The following MECOM variants were observed in gnomAD, a reference collection of about 807,000 sequenced individuals.
MECOM encodes MDS1 and EVI1 complex locus.
A neutral mutation model predicts 116.3 loss-of-function variants in MECOM; 13 were observed. That is an observed-to-expected ratio of 0.11 (90% CI 0.07 to 0.18). The LOEUF (loss-of-function observed/expected upper bound fraction) is 0.18. Among genes scored for constraint, MECOM ranks in the 10% least tolerant of loss-of-function variants. The probability of loss-of-function intolerance (pLI) is 1.00; values close to 1 mark genes in which losing one functional copy is unlikely to be tolerated. For missense variants in MECOM, 1,299 were observed against 1,509.0 expected (o/e 0.86, Z 2.31); for synonymous variants, 528 against 535.2 (o/e 0.99, Z 0.19).
intron 1 of MECOM, among the ~76,000 whole-genome samples, chr3:169,629,467 T>G (rs1771810613): frequency 6.6e-6 from 1 of 152,074 alleles, no homozygotes. Flanking sequence ...CAGCCCCATG[T>G]GCCCACCCCC....
chr3:169,185,438 G>A (rs2149406523), intron 2 of MECOM, among the ~76,000 whole-genome samples: 1 of 152,230 alleles, frequency 6.6e-6, no homozygotes, highest in African/African-American at 2.4e-5. Flanking sequence ...TTTGGCAGCT[G>A]GGGAATGTTA....
chr3:169,547,656 T>C (rs1760890748), intron 1 of MECOM, among the ~76,000 whole-genome samples: 1 of 152,208 alleles, frequency 6.6e-6, no homozygotes, highest in South Asian at 2.1e-4. Flanking sequence ...CCTGTGAATA[T>C]ACCATATTTG....
chr3:169,304,299 T>C (rs1346686744), intron 2 of MECOM, among the ~76,000 whole-genome samples: 2 of 152,226 alleles, frequency 1.3e-5, no homozygotes, highest in African/African-American at 4.8e-5. Flanking sequence ...AAAATTAATT[T>C]TAGTGTTGAC....
intron 2 of MECOM, among the ~76,000 whole-genome samples, chr3:169,225,290 A>G (rs1041629015): frequency 1.3e-5 from 2 of 152,236 alleles, no homozygotes; most frequent in African/African-American, 4.8e-5. Context: ...TAGTCTATTA[A>G]GAACTAATGT....
intron 2 of MECOM, among the ~76,000 whole-genome samples, chr3:169,269,510 C>G (rs1758691224): frequency 6.6e-6 from 1 of 152,190 alleles, no homozygotes; most frequent in Non-Finnish European, 1.5e-5. Flanking sequence ...AAAACGCACT[C>G]AGGGTATGAC....
chr3:169,105,986 G>T (rs1047108047), intron 10 of MECOM, among the ~76,000 whole-genome samples: 3 of 152,018 alleles, frequency 2.0e-5, no homozygotes, highest in African/African-American at 7.2e-5. Flanking sequence ...ATGACAAAAA[G>T]GTTTCTCATT....
intron 1 of MECOM, among the ~76,000 whole-genome samples, chr3:169,383,634 C>A (rs552398853): frequency 4.3e-4 from 65 of 152,290 alleles, no homozygotes; most frequent in Non-Finnish European, 7.5e-4. Context: ...TTCCACTATC[C>A]ATCAACACTG....
chr3:169,424,555 TG>T (rs1740322957), intron 1 of MECOM, among the ~76,000 whole-genome samples: 1 of 152,180 alleles, frequency 6.6e-6, no homozygotes, highest in African/African-American at 2.4e-5. Flanking sequence ...TGAAAGAAGA[TG>T]GTTGTTCTTC....
chr3:169,247,610 A>G (rs1231478785), intron 2 of MECOM, among the ~76,000 whole-genome samples: 2 of 152,202 alleles, frequency 1.3e-5, no homozygotes, highest in Non-Finnish European at 2.9e-5. Flanking sequence ...GGCCTCTAAT[A>G]CTTTTATTCA....
At chr3:169,486,426 T>C (rs1212068196) in intron 1 of MECOM, among the ~76,000 whole-genome samples, 1 of 152,030 alleles carries the variant, frequency 6.6e-6, no homozygotes, top group Non-Finnish European at 1.5e-5. Context: ...ACAGCAAGGC[T>C]CAGATCTTTC....
chr3:169,450,675 C>G (rs192237444), intron 1 of MECOM, among the ~76,000 whole-genome samples: 11 of 152,198 alleles, frequency 7.2e-5, no homozygotes, highest in Admixed American at 2.0e-4. Context: ...TTCTTTACCT[C>G]AGAGAGAGAG....
rs1553849466 is a variant in MECOM at position 169,425,107 on chromosome 3, C to CT, written c.38-43584_38-43583insA. Among the ~76,000 whole-genome samples, 5 of 150,702 alleles carry CT rather than the reference C, an allele frequency of 3.3e-5. No individual in the cohort carries two copies. In the South Asian group the frequency reaches 1.1e-3, roughly 32 times the overall value. On this transcript the variant is annotated intron_variant, in intron 1 of 16. Coordinates refer to ENST00000651503, the MANE Select transcript of MECOM (RefSeq NM_004991.4). The stretch of plus-strand genomic sequence containing the variant: ...AGTGTTCATTTGCAGAAACCCCCCC[C>CT]CACTTGCATGTGCCTCAGATAACCA...
chr3:169,323,880 G>A (rs1043035343), intron 2 of MECOM, among the ~76,000 whole-genome samples: 2 of 152,168 alleles, frequency 1.3e-5, no homozygotes, highest in African/African-American at 4.8e-5. Flanking sequence ...AGACTTGGAG[G>A]ATGGACAAAA....
intron 2 of MECOM, among the ~76,000 whole-genome samples, chr3:169,152,555 G>T (rs1373376711): frequency 6.6e-6 from 1 of 152,160 alleles, no homozygotes; most frequent in Non-Finnish European, 1.5e-5. Context: ...AGTCCAGCAC[G>T]CTTCTAATTA....
intron 1 of MECOM, among the ~76,000 whole-genome samples, chr3:169,383,689 T>C (rs1732849243): frequency 6.6e-6 from 1 of 152,218 alleles, no homozygotes; most frequent in Admixed American, 6.5e-5. Flanking sequence ...CAGACCAATT[T>C]TCCTGTTTGA....
intron 2 of MECOM, among the ~76,000 whole-genome samples, chr3:169,237,815 A>G (rs920685669): frequency 6.6e-6 from 1 of 152,160 alleles, no homozygotes; most frequent in Admixed American, 6.6e-5. Flanking sequence ...TTAACCATTT[A>G]AAATTTATCC....
chr3:169,431,443 G>A (rs540832546), intron 1 of MECOM, among the ~76,000 whole-genome samples: 7 of 152,230 alleles, frequency 4.6e-5, no homozygotes, highest in South Asian at 2.1e-4. Context: ...TATCAAAACC[G>A]GGGTCTTCCA....
intron 3 of MECOM, among the ~76,000 whole-genome samples, chr3:169,136,136 A>C (rs1360009907): frequency 2.0e-5 from 3 of 151,774 alleles, no homozygotes; most frequent in African/African-American, 7.2e-5. Flanking sequence ...AATACTCACA[A>C]GGCTAAGTTA....
At chr3:169,615,579 G>C (rs1769898933) in intron 1 of MECOM, among the ~76,000 whole-genome samples, 1 of 152,094 alleles carries the variant, frequency 6.6e-6, no homozygotes, top group Non-Finnish European at 1.5e-5. Flanking sequence ...ACACCTCCAA[G>C]TATCCATAGA....
Sources: gnomAD v4.1 joint callset for allele counts (sites outside exome capture counted in the v4.1 genomes callset) on GRCh38, gnomAD v4.1.1 for gene constraint, MANE v1.5 for transcripts, NCBI Gene and HGNC (gene_info 2026-07-23, HGNC 2026-07-21) for gene names.